The following COL26A1 variants were observed in gnomAD, a reference collection of about 807,000 sequenced individuals.
COL26A1 encodes collagen alpha-1(XXVI) chain.
Under a neutral mutation model 59.3 loss-of-function variants are expected in COL26A1, and 41 were observed. The observed-to-expected ratio is 0.69, with a 90% confidence interval of 0.54 to 0.90. COL26A1 has a LOEUF of 0.90. COL26A1 is among the 40% of genes least tolerant of loss of function. COL26A1 has a pLI of 0.00. For synonymous variants in COL26A1, 266 were observed against 256.0 expected (o/e 1.04, Z -0.37); for missense variants, 612 against 602.3 (o/e 1.02, Z -0.17).
intron 2 of COL26A1, among the ~76,000 whole-genome samples, chr7:101,429,324 GTT>G (rs1792722713): frequency 6.6e-6 from 1 of 152,082 alleles, no homozygotes; most frequent in Non-Finnish European, 1.5e-5. Flanking sequence ...TTTAGGTTGA[GTT>G]TTATTTTTTT....
intron 3 of COL26A1, among the ~76,000 whole-genome samples, chr7:101,469,126 C>A (rs1052023986): frequency 6.6e-6 from 1 of 152,138 alleles, no homozygotes; most frequent in Non-Finnish European, 1.5e-5. Context: ...CCTCGTGGGG[C>A]CCTGGGGACA....
intron 3 of COL26A1, among the ~76,000 whole-genome samples, chr7:101,532,718 T>C: frequency 6.6e-6 from 1 of 152,190 alleles, no homozygotes; most frequent in African/African-American, 2.4e-5. Context: ...TCACTATCTG[T>C]TCATCAATTG....
At chr7:101,526,598 T>C (rs555371498) in intron 3 of COL26A1, among the ~76,000 whole-genome samples, 4 of 152,302 alleles carry the variant, frequency 2.6e-5, no homozygotes, top group African/African-American at 9.6e-5. Flanking sequence ...GCAAATCCCC[T>C]CTCAGGGCCC....
intron 3 of COL26A1, among the ~76,000 whole-genome samples, chr7:101,532,358 A>G (rs1373596455): frequency 6.6e-6 from 1 of 152,064 alleles, no homozygotes; most frequent in Non-Finnish European, 1.5e-5. Context: ...ACACTGCCAC[A>G]GCCCTTCCCA....
intron 2 of COL26A1, among the ~76,000 whole-genome samples, chr7:101,436,756 C>T (rs1792926203): frequency 1.3e-5 from 2 of 151,844 alleles, no homozygotes; most frequent in African/African-American, 2.4e-5. Context: ...CACTCTGTCC[C>T]CCAGGCTGGA....
At chr7:101,428,315 G>A (rs902755441) in intron 2 of COL26A1, among the ~76,000 whole-genome samples, 6 of 149,436 alleles carry the variant, frequency 4.0e-5, no homozygotes, top group East Asian at 2.0e-4. Flanking sequence ...CTATGATTGC[G>A]CCACTGCACT....
chr7:101,468,148 C>T (rs945826058), intron 3 of COL26A1, among the ~76,000 whole-genome samples: 3 of 151,332 alleles, frequency 2.0e-5, no homozygotes, highest in Admixed American at 2.0e-4. Context: ...ACTAAAAATA[C>T]AAAAATTAGC....
chr7:101,517,798 ATTTTTTTTTTTT>A (rs869245512), intron 3 of COL26A1, among the ~76,000 whole-genome samples: 13,531 of 77,346 alleles, frequency 0.17, 920 homozygotes, highest in South Asian at 0.25. Flanking sequence ...TTCTCCCCGC[ATTTTTTTTTTTT>A]TTTTTTTTTT....
chr7:101,464,971 C>CA (rs1793721691), intron 3 of COL26A1, among the ~76,000 whole-genome samples: 2 of 151,996 alleles, frequency 1.3e-5, no homozygotes, highest in African/African-American at 4.8e-5. Context: ...CTCAGCCTCC[C>CA]AAAGCACTGG....
In COL26A1 at chr7:101,555,827, T is replaced by C; in HGVS notation, c.1121T>C (p.Leu374Pro). Residue 374 changes from leucine (L) to proline (P), a missense_variant, in exon 12 of 13, where the codon CTG becomes CCG. By Grantham distance (98) the Leu-to-Pro change is moderately conservative. Transcript: ENST00000313669. ...CAGCTGAGAGAGGCCCTGAAGATCC[T>C]GGCAGAGCGAGTCCTCATCCTGGAG... ...VQQLREALKI[L>P]AERVLILEHM... 6.2e-7 allele frequency: 1 copy of C among 1,612,080 alleles called. No individual in the cohort carries two copies. The highest frequency in any genetic ancestry group is 8.5e-7 in the Non-Finnish European group (1 of 1,179,384).
intron 3 of COL26A1, among the ~76,000 whole-genome samples, chr7:101,521,882 T>A (rs2130611971): frequency 6.6e-6 from 1 of 152,274 alleles, no homozygotes; most frequent in South Asian, 2.1e-4. Context: ...CAGTAGGTAC[T>A]TGTTTGAGTC....
chr7:101,461,245 C>T (rs989680109), intron 3 of COL26A1, among the ~76,000 whole-genome samples: 1 of 152,044 alleles, frequency 6.6e-6, no homozygotes, highest in African/African-American at 2.4e-5. Context: ...CTTGCTTTGG[C>T]CTTCCAAAGT....
chr7:101,387,453 C>A (rs1791604064), intron 1 of COL26A1, among the ~76,000 whole-genome samples: 1 of 150,154 alleles, frequency 6.7e-6, no homozygotes, highest in Admixed American at 6.6e-5. Flanking sequence ...AGTGAAAAAT[C>A]ATTTATCATT....
chr7:101,549,516 GACCACAGGCGCACGCC>G (rs1795816581), intron 9 of COL26A1, among the ~76,000 whole-genome samples: 1 of 152,138 alleles, frequency 6.6e-6, no homozygotes, highest in African/African-American at 2.4e-5. Flanking sequence ...GATTAGCCGG[GACCACAGGCGCACGCC>G]ACCACGCCCA....
intron 1 of COL26A1, among the ~76,000 whole-genome samples, chr7:101,401,970 T>C (rs1270195607): frequency 1.3e-5 from 2 of 152,016 alleles, no homozygotes; most frequent in Non-Finnish European, 2.9e-5. Flanking sequence ...GGAAGAAATG[T>C]CAGACTTGGA....
chr7:101,398,889 C>T (rs1479670997), intron 1 of COL26A1, among the ~76,000 whole-genome samples: 2 of 152,080 alleles, frequency 1.3e-5, no homozygotes, highest in Non-Finnish European at 2.9e-5. Flanking sequence ...GGGGCTGATT[C>T]TGTGCTGGGA....
At chr7:101,489,604 T>C (rs937587977) in intron 3 of COL26A1, among the ~76,000 whole-genome samples, 4 of 27,828 alleles carry the variant, frequency 1.4e-4, no homozygotes, top group South Asian at 1.4e-3. Flanking sequence ...TCTTTCTTTT[T>C]CTTTCTTTCT....
At chr7:101,497,656 A>G (rs572886725) in intron 3 of COL26A1, among the ~76,000 whole-genome samples, 2 of 152,086 alleles carry the variant, frequency 1.3e-5, no homozygotes, top group African/African-American at 4.8e-5. Flanking sequence ...AGCCTCGGCA[A>G]CAGAGCAAGA....
rs72039447 is a variant in COL26A1 at position 101,397,349 on chromosome 7, T to TTTCC, written c.159-22608_159-22605dup. On this transcript the variant is annotated intron_variant, in intron 1 of 12. Coordinates refer to ENST00000313669, the MANE Select transcript of COL26A1 (RefSeq NM_001278563.3). The stretch of plus-strand genomic sequence containing the variant: ...AACAGAGGACTTAGAATTGCTTTCT[T>TTTCC]TTCCTTCCTTCCTTCCTTCCTTCTT... Among the ~76,000 whole-genome samples the TTTCC allele has an allele frequency of 2.4e-3, 363 of 151,672 alleles. 1 individual carries two copies. The highest frequency in any genetic ancestry group is 8.1e-3 in the African/African-American group (333 of 41,286).
Sources: gnomAD v4.1 joint callset for allele counts (sites outside exome capture counted in the v4.1 genomes callset) on GRCh38, gnomAD v4.1.1 for gene constraint, MANE v1.5 for transcripts, NCBI Gene and HGNC (gene_info 2026-07-23, HGNC 2026-07-21) for gene names.